The following ITPK1 variants were observed in gnomAD, a reference collection of about 807,000 sequenced individuals.
ITPK1 encodes the protein inositol 1,3,4-trisphosphate 5/6-kinase.
A neutral mutation model predicts 45.3 loss-of-function variants in ITPK1; 21 were observed. The observed-to-expected ratio is 0.46, with a 90% CI of 0.33 to 0.67. ITPK1 has a LOEUF of 0.67. Among genes scored for constraint, ITPK1 ranks in the 30% least tolerant of loss-of-function variants. The pLI is 0.02. For synonymous variants in ITPK1, 258 were observed against 253.6 expected (o/e 1.02, Z -0.16); for missense variants, 474 against 573.5 (o/e 0.83, Z 1.77).
intron 2 of ITPK1, among the ~76,000 whole-genome samples, chr14:93,103,721 G>T (rs1430098174): frequency 6.6e-6 from 1 of 152,170 alleles, no homozygotes; most frequent in Non-Finnish European, 1.5e-5. Flanking sequence ...TCCAGGGGAG[G>T]GGGAGGCCTG....
intron 5 of ITPK1, among the ~76,000 whole-genome samples, chr14:92,980,460 C>G (rs1176239111): frequency 1.3e-5 from 2 of 152,232 alleles, no homozygotes; most frequent in Non-Finnish European, 1.5e-5. Context: ...ACAAGAAAGG[C>G]TCTCACCAAG....
At chr14:93,092,596 C>A (rs1891905363) in intron 2 of ITPK1, among the ~76,000 whole-genome samples, 1 of 152,222 alleles carries the variant, frequency 6.6e-6, no homozygotes, top group African/African-American at 2.4e-5. Context: ...AATTTTACCC[C>A]CCACCCAGAG....
intron 5 of ITPK1, among the ~76,000 whole-genome samples, chr14:92,978,513 A>G (rs950188773): frequency 6.6e-6 from 1 of 151,990 alleles, no homozygotes; most frequent in African/African-American, 2.4e-5. Context: ...AGACCTTCAC[A>G]GCAGTCCCTC....
chr14:93,114,412 T>G (rs1463022534), intron 2 of ITPK1, among the ~76,000 whole-genome samples: 1 of 152,206 alleles, frequency 6.6e-6, no homozygotes, highest in African/African-American at 2.4e-5. Flanking sequence ...ACTCCCTAGC[T>G]GCGGGACCCC....
Position 93,062,206 on chromosome 14 carries a change from G to A in ITPK1, c.120+14389C>T, listed in dbSNP as rs188505309. Among the ~76,000 whole-genome samples, 400 of 152,282 alleles carry A rather than the reference G, an allele frequency of 2.6e-3. 3 individuals are homozygous for A. Among genetic ancestry groups the A allele is most frequent in the African/African-American group, 8.5e-3 (354 of 41,560 alleles). On this transcript the variant is annotated intron_variant, in intron 3 of 10. Transcript: ENST00000267615. The stretch of plus-strand genomic sequence containing the variant: ...AAATCGCTTGAACCTGGGAGGCGGA[G>A]GTTGCAGCGAGCCAAGATCGAGCCA...
chr14:93,005,615 A>C (rs1433599212), intron 4 of ITPK1, among the ~76,000 whole-genome samples: 1 of 152,206 alleles, frequency 6.6e-6, no homozygotes, highest in Non-Finnish European at 1.5e-5. Context: ...AAGGTGGTGG[A>C]AAGGGACCAG....
intron 3 of ITPK1, among the ~76,000 whole-genome samples, chr14:93,019,959 G>A (rs1017776358): frequency 5.3e-5 from 8 of 152,214 alleles, no homozygotes; most frequent in Non-Finnish European, 7.3e-5. Context: ...CTCAGAGGAC[G>A]GGGTCTGGTT....
intron 3 of ITPK1, among the ~76,000 whole-genome samples, chr14:93,025,788 G>GACCAGTCATGCTCATTTATTTTTCCTA (rs550742827): frequency 1.6e-3 from 236 of 152,180 alleles, no homozygotes; most frequent in African/African-American, 5.6e-3. Flanking sequence ...CAATTTTCCT[G>GACCAGTCATGCTCATTTATTTTTCCTA]ACCAGTCATG....
intron 5 of ITPK1, among the ~76,000 whole-genome samples, chr14:92,969,655 T>C (rs1419468525): frequency 6.6e-6 from 1 of 152,148 alleles, no homozygotes; most frequent in East Asian, 1.9e-4. Context: ...AAGCTCGCAG[T>C]GGTGGCGCCA....
At chr14:93,086,290 C>G (rs932966326) in intron 2 of ITPK1, among the ~76,000 whole-genome samples, 1 of 152,186 alleles carries the variant, frequency 6.6e-6, no homozygotes, top group Non-Finnish European at 1.5e-5. Context: ...TGCTGACACT[C>G]TTTGAAAGGC....
intron 10 of ITPK1, among the ~76,000 whole-genome samples, chr14:92,942,783 T>G (rs552642706): frequency 1.4e-4 from 21 of 152,312 alleles, no homozygotes; most frequent in African/African-American, 4.6e-4. Context: ...AGGGGAGGAT[T>G]CTGCTGGCTC....
chr14:93,080,340 T>C (rs1159291998), intron 2 of ITPK1, among the ~76,000 whole-genome samples: 1 of 152,232 alleles, frequency 6.6e-6, no homozygotes, highest in African/African-American at 2.4e-5. Context: ...ATTGCTTCAA[T>C]GTTGTGCCAT....
intron 5 of ITPK1, among the ~76,000 whole-genome samples, chr14:92,990,489 T>C (rs1004182284): frequency 2.6e-5 from 4 of 152,228 alleles, no homozygotes; most frequent in African/African-American, 9.6e-5. Flanking sequence ...ACCATGATTT[T>C]AGGTCTGCTG....
chr14:92,988,816 C>A (rs1886632871), intron 5 of ITPK1, among the ~76,000 whole-genome samples: 1 of 152,220 alleles, frequency 6.6e-6, no homozygotes, highest in South Asian at 2.1e-4. Context: ...GAAATCAGAA[C>A]CTTCCTCATA....
chr14:92,946,517 A>T (rs1467437138), intron 9 of ITPK1, 24 bp from the exon 10 acceptor site: 2 of 1,610,150 alleles, frequency 1.2e-6, no homozygotes, highest in African/African-American at 2.7e-5. Flanking sequence ...CAAGGAAGTC[A>T]GGCCATGGGC....
chr14:93,040,051 G>A (rs553955562), intron 3 of ITPK1, among the ~76,000 whole-genome samples: 5 of 152,246 alleles, frequency 3.3e-5, no homozygotes, highest in African/African-American at 7.2e-5. Context: ...TCAGGCTGAC[G>A]GGAAGAACGC....
chr14:93,076,540 T>C lies in ITPK1; in HGVS notation c.120+55A>G. ...GAGGAGAGAAGGAGAGACAGAGAGGTGGGCACCAAGGGCCCCACTACCCAA... is the reference window on the plus strand; with the variant it reads ...GAGGAGAGAAGGAGAGACAGAGAGGCGGGCACCAAGGGCCCCACTACCCAA... On this transcript the variant is annotated intron_variant, in intron 3 of 10. Transcript: ENST00000267615. The surrounding 1 kb of genome is among the most constrained non-coding windows in gnomAD (Gnocchi z 4.3). The C allele has an allele frequency of 1.3e-6, 2 of 1,592,648 alleles. No homozygotes were observed. The highest frequency in any genetic ancestry group is 1.7e-6 in the Non-Finnish European group (2 of 1,160,956).
At chr14:93,111,709 T>C (rs1448160056) in intron 2 of ITPK1, among the ~76,000 whole-genome samples, 4 of 80,168 alleles carry the variant, frequency 5.0e-5, no homozygotes, top group African/African-American at 9.2e-5. Flanking sequence ...AGACTCCACC[T>C]CAAAAAAAAA....
intron 3 of ITPK1, among the ~76,000 whole-genome samples, chr14:93,052,981 G>A (rs1890077903): frequency 1.4e-5 from 2 of 139,844 alleles, no homozygotes; most frequent in Admixed American, 7.1e-5. Context: ...GGGGTGGGGG[G>A]AGGGGGGAAG....
Sources: allele counts gnomAD v4.1 joint callset (sites outside exome capture counted in the v4.1 genomes callset), GRCh38; gene constraint gnomAD v4.1.1; non-coding constraint Gnocchi (gnomAD v3.1); transcripts MANE v1.5; gene names NCBI Gene and HGNC (gene_info 2026-07-23, HGNC 2026-07-21).